The following GAB2 variants were observed in gnomAD, a reference collection of about 807,000 sequenced individuals.
GAB2 encodes GRB2 associated binding protein 2.
GAB2 carries 26 observed loss-of-function variants against 65.5 expected under a neutral mutation model. The observed-to-expected ratio is 0.40, with a 90% CI of 0.29 to 0.55. GAB2 has a LOEUF of 0.55. Among genes scored for constraint, GAB2 ranks in the 20% least tolerant of loss-of-function variants. GAB2 has a pLI of 0.53. For missense variants in GAB2, 884 were observed against 875.8 expected (o/e 1.01, Z -0.12); for synonymous variants, 321 against 329.6 (o/e 0.97, Z 0.28).
intron 1 of GAB2, among the ~76,000 whole-genome samples, chr11:78,416,316 GATT>G (rs1857194989): frequency 6.6e-6 from 1 of 152,146 alleles, no homozygotes; most frequent in Non-Finnish European, 1.5e-5. Flanking sequence ...CTAAGAGCCT[GATT>G]TCATTGACAC....
At chr11:78,227,778 A>G (rs971254301) in intron 3 of GAB2, among the ~76,000 whole-genome samples, 1 of 152,094 alleles carries the variant, frequency 6.6e-6, no homozygotes, top group Admixed American at 6.6e-5. Flanking sequence ...CCAGTCTAGT[A>G]AACAGAATGA....
chr11:78,270,020 A>G (rs1865971509), intron 2 of GAB2, among the ~76,000 whole-genome samples: 1 of 152,210 alleles, frequency 6.6e-6, no homozygotes, highest in Non-Finnish European at 1.5e-5. Context: ...TCTAAGAAGG[A>G]TCATGTTATC....
chr11:78,403,866 A>G (rs1380401255), intron 1 of GAB2, among the ~76,000 whole-genome samples: 2 of 152,234 alleles, frequency 1.3e-5, no homozygotes, highest in Non-Finnish European at 2.9e-5. Context: ...ACTAGAATAT[A>G]TAAGGAGCTC....
At chr11:78,398,546 TTTAC>T (rs1227589407) in intron 1 of GAB2, among the ~76,000 whole-genome samples, 13 of 152,370 alleles carry the variant, frequency 8.5e-5, no homozygotes, top group South Asian at 8.3e-4. Context: ...ATCAGTATTC[TTTAC>T]TTTTGTGTAT....
chr11:78,345,119 A>C (rs1856159589), intron 1 of GAB2, among the ~76,000 whole-genome samples: 2 of 152,188 alleles, frequency 1.3e-5, no homozygotes, highest in Admixed American at 1.3e-4. Context: ...GTCTCTACTA[A>C]AAATACAAAA....
At chr11:78,399,060 T>A (rs1259554875) in intron 1 of GAB2, among the ~76,000 whole-genome samples, 1 of 152,132 alleles carries the variant, frequency 6.6e-6, no homozygotes, top group African/African-American at 2.4e-5. Flanking sequence ...CTTTGAAGGA[T>A]CCTAAGGAAC....
chr11:78,287,396 GCCT>G (rs1471449285), intron 1 of GAB2, among the ~76,000 whole-genome samples: 2 of 152,046 alleles, frequency 1.3e-5, no homozygotes, highest in African/African-American at 4.8e-5. Flanking sequence ...TCCCACCTCA[GCCT>G]CCTGAGTGGC....
chr11:78,252,192 T>C (rs1865474024), intron 2 of GAB2, among the ~76,000 whole-genome samples: 1 of 152,212 alleles, frequency 6.6e-6, no homozygotes. Context: ...CTCTACAGTA[T>C]TAATTACTCT....
chr11:78,414,568 G>C (rs890951534), intron 1 of GAB2, among the ~76,000 whole-genome samples: 18 of 152,120 alleles, frequency 1.2e-4, no homozygotes, highest in Non-Finnish European at 2.1e-4. Context: ...GTATGCATTT[G>C]CATGCACGCG....
intron 1 of GAB2, among the ~76,000 whole-genome samples, chr11:78,299,821 G>A (rs980357608): frequency 4.6e-5 from 7 of 152,206 alleles, no homozygotes; most frequent in Admixed American, 1.3e-4. Flanking sequence ...TTCCCATACA[G>A]AGACTTCCTT....
At chr11:78,320,951 CAA>C (rs1855712579) in intron 1 of GAB2, among the ~76,000 whole-genome samples, 1 of 151,924 alleles carries the variant, frequency 6.6e-6, no homozygotes, top group Non-Finnish European at 1.5e-5. Flanking sequence ...GAAGGTAATG[CAA>C]AAGAGATATT....
intron 1 of GAB2, among the ~76,000 whole-genome samples, chr11:78,302,220 A>C (rs1421336405): frequency 1.3e-5 from 2 of 152,242 alleles, no homozygotes; most frequent in East Asian, 3.8e-4. Flanking sequence ...GAGCTTTTGC[A>C]TGGCAAAAGG....
intron 1 of GAB2, among the ~76,000 whole-genome samples, chr11:78,358,322 C>T (rs1248436182): frequency 6.6e-6 from 1 of 150,608 alleles, no homozygotes; most frequent in Non-Finnish European, 1.5e-5. Context: ...AGAGGGATAG[C>T]ATTAGGAGAT....
intron 1 of GAB2, among the ~76,000 whole-genome samples, chr11:78,378,929 G>A (rs1228877955): frequency 6.6e-6 from 1 of 152,222 alleles, no homozygotes; most frequent in Admixed American, 6.5e-5. Context: ...CTGAGGGAAT[G>A]CAATGTGCTA....
chr11:78,226,620 G>GGGGGGGGGGGGGGGGGGGGCC lies in GAB2; in HGVS notation c.1051_1052insGGCCCCCCCCCCCCCCCCCCC (p.Ala350_Pro351insArgProProProProProPro). 2 of 1,500,514 alleles carry GGGGGGGGGGGGGGGGGGGGCC rather than the reference G, an allele frequency of 1.3e-6. No individual in the cohort carries two copies. Among genetic ancestry groups the GGGGGGGGGGGGGGGGGGGGCC allele is most frequent in the Non-Finnish European group, 1.9e-6 (2 of 1,078,984 alleles). 92.9% of individuals were successfully genotyped at this position (1,500,514 alleles called of 1,614,324 possible). A position where few individuals can be genotyped will look rare whatever the true frequency, so the allele number is the denominator to read the frequency against. ...ACTTGGCTTGGGGGGGCGGGGTGGG[G>GGGGGGGGGGGGGGGGGGGGCC]GAGCTATGGCTGAGTCCCCAGGAGT... On this transcript the variant is annotated inframe_insertion, in exon 4 of 10. Transcript: ENST00000361507.
chr11:78,321,891 G>T (rs1855731182), intron 1 of GAB2, among the ~76,000 whole-genome samples: 1 of 151,726 alleles, frequency 6.6e-6, no homozygotes, highest in Non-Finnish European at 1.5e-5. Context: ...AAAACAATGG[G>T]GATAAGACTC....
At chr11:78,368,084 G>A (rs1856521455) in intron 1 of GAB2, among the ~76,000 whole-genome samples, 1 of 152,112 alleles carries the variant, frequency 6.6e-6, no homozygotes, top group Non-Finnish European at 1.5e-5. Flanking sequence ...CCAAAGTGCT[G>A]GGATTACAGG....
At chr11:78,395,487 C>T (rs1263054546) in intron 1 of GAB2, among the ~76,000 whole-genome samples, 1 of 152,206 alleles carries the variant, frequency 6.6e-6, no homozygotes. Flanking sequence ...TTTCCCACTT[C>T]ATATCCCAAT....
intron 2 of GAB2, among the ~76,000 whole-genome samples, chr11:78,258,754 T>G (rs1182549685): frequency 6.6e-6 from 1 of 152,114 alleles, no homozygotes; most frequent in Non-Finnish European, 1.5e-5. Flanking sequence ...TGCACCACCA[T>G]GCCTGGCCTG....
Sources: gnomAD v4.1 joint callset for allele counts (sites outside exome capture counted in the v4.1 genomes callset) on GRCh38, gnomAD v4.1.1 for gene constraint, MANE v1.5 for transcripts, NCBI Gene and HGNC (gene_info 2026-07-23, HGNC 2026-07-21) for gene names.